The following IP6K1 variants were observed in gnomAD, a reference collection of about 807,000 sequenced individuals.
IP6K1 encodes ATP:1D-myo-inositol-hexakisphosphate phosphotransferase.
Under a neutral mutation model 38.3 loss-of-function variants are expected in IP6K1, and 13 were observed. That is an observed-to-expected ratio of 0.34 (90% CI 0.22 to 0.54). The LOEUF (loss-of-function observed/expected upper bound fraction) is 0.54. IP6K1 is among the 20% of genes least tolerant of loss of function. The pLI, the probability that IP6K1 is intolerant of heterozygous loss-of-function variation, is 0.92. For synonymous variants in IP6K1, 212 were observed against 229.9 expected (o/e 0.92, Z 0.70); for missense variants, 397 against 599.8 (o/e 0.66, Z 3.53).
intron 1 of IP6K1, among the ~76,000 whole-genome samples, chr3:49,750,610 G>T (rs989573646): frequency 2.0e-5 from 3 of 151,934 alleles, no homozygotes; most frequent in Non-Finnish European, 4.4e-5. Flanking sequence ...TGAGGCACAA[G>T]AATCACTTGA....
In IP6K1 at chr3:49,724,980, C is replaced by G. The variant is rs2080484673; in HGVS notation, c.*2142G>C. 6.5e-6 allele frequency: 1 copy of G among 152,862 alleles called. No homozygotes were observed. The highest frequency in any genetic ancestry group is 1.9e-4 in the East Asian group (1 of 5,204). The allele number at this position is 152,862 out of a possible 1,614,324, so 9.5% of individuals were successfully genotyped here. A position where few individuals can be genotyped will look rare whatever the true frequency, so the allele number is the denominator to read the frequency against. On this transcript the variant is annotated 3_prime_UTR_variant, in exon 6 of 6. Transcript: ENST00000321599. ...GGCTGGGCCTGGCAGGGACAGGGCT[C>G]TCTGGCATGGGGCAGGGAGAAAGCA...
At chr3:49,763,754 G>C (rs1035595739) in intron 1 of IP6K1, among the ~76,000 whole-genome samples, 1 of 152,098 alleles carries the variant, frequency 6.6e-6, no homozygotes, top group African/African-American at 2.4e-5. Flanking sequence ...GGTGGCTCAC[G>C]CCTGTAATCC....
intron 3 of IP6K1, among the ~76,000 whole-genome samples, chr3:49,736,897 G>A (rs922914404): frequency 2.0e-5 from 3 of 150,404 alleles, no homozygotes; most frequent in Non-Finnish European, 3.0e-5. Flanking sequence ...TTAGCCTCCC[G>A]AGTAGCTGGG....
intron 4 of IP6K1, among the ~76,000 whole-genome samples, chr3:49,731,701 C>A (rs2080562974): frequency 6.6e-6 from 1 of 152,000 alleles, no homozygotes; most frequent in Admixed American, 6.6e-5. Context: ...TATTTGTCTA[C>A]TACTTCAAAA....
chr3:49,743,598 G>A (rs1298868324), intron 2 of IP6K1, among the ~76,000 whole-genome samples: 1 of 150,246 alleles, frequency 6.7e-6, no homozygotes, highest in Non-Finnish European at 1.5e-5. Context: ...AGGATCACTT[G>A]AGCCATAGTT....
At chr3:49,732,743 G>A (rs368077376) in intron 4 of IP6K1, 48 bp downstream of exon 4, 15 of 1,498,836 alleles carry the variant, frequency 1.0e-5, no homozygotes, top group South Asian at 2.5e-5. Flanking sequence ...CCCAACACAC[G>A]ACCTATGGAC....
chr3:49,736,280 T>C (rs2080611378), intron 3 of IP6K1, among the ~76,000 whole-genome samples: 1 of 152,186 alleles, frequency 6.6e-6, no homozygotes, highest in South Asian at 2.1e-4. Context: ...TTCACAAGAT[T>C]GTAAAACATC....
chr3:49,730,131 G>C (rs777627704), intron 4 of IP6K1, among the ~76,000 whole-genome samples: 33 of 152,114 alleles, frequency 2.2e-4, no homozygotes, highest in Admixed American at 4.6e-4. Flanking sequence ...GACTCCAGGT[G>C]ATCTGCCCAC....
At chr3:49,779,085 T>C (rs1380426402) in intron 1 of IP6K1, among the ~76,000 whole-genome samples, 3 of 152,212 alleles carry the variant, frequency 2.0e-5, no homozygotes, top group African/African-American at 7.2e-5. Flanking sequence ...GTTTTAATCA[T>C]CTCAAAAAGA....
intron 1 of IP6K1, among the ~76,000 whole-genome samples, chr3:49,771,207 A>G (rs2080956463): frequency 6.7e-6 from 1 of 148,634 alleles, no homozygotes; most frequent in South Asian, 2.1e-4. Flanking sequence ...AAAAAAAAAA[A>G]AAAAACCCTG....
chr3:49,742,035 T>C (rs927242536), intron 2 of IP6K1, among the ~76,000 whole-genome samples: 6 of 152,062 alleles, frequency 3.9e-5, no homozygotes, highest in African/African-American at 1.4e-4. Context: ...GCCATGACTG[T>C]ACCACTGCAC....
intron 1 of IP6K1, among the ~76,000 whole-genome samples, chr3:49,758,314 CAAAAAA>C (rs11359274): frequency 1.8e-5 from 1 of 54,404 alleles, no homozygotes; most frequent in Non-Finnish European, 3.3e-5. Context: ...GACTCCATCT[CAAAAAA>C]AAAAAAAAAA....
At chr3:49,775,528 A>G in intron 1 of IP6K1, 1 of 1,028,252 alleles carries the variant, frequency 9.7e-7, no homozygotes, top group Non-Finnish European at 1.4e-6. Flanking sequence ...AAGGATAGAG[A>G]TGGCTGCCCA....
At chr3:49,771,188 CAAAAAAAAAA>C (rs35601566) in intron 1 of IP6K1, among the ~76,000 whole-genome samples, 2 of 72,508 alleles carry the variant, frequency 2.8e-5, no homozygotes, top group Non-Finnish European at 5.4e-5. Context: ...AACTCAGTAA[CAAAAAAAAAA>C]AAAAAAAAAA....
At chr3:49,733,988 G>T (rs1559702549) in intron 3 of IP6K1, among the ~76,000 whole-genome samples, 1 of 152,024 alleles carries the variant, frequency 6.6e-6, no homozygotes, top group Non-Finnish European at 1.5e-5. Flanking sequence ...AAATTAGCTG[G>T]GCATGGTGGC....
intron 1 of IP6K1, among the ~76,000 whole-genome samples, chr3:49,772,391 C>T (rs1342936698): frequency 2.7e-5 from 4 of 148,964 alleles, no homozygotes; most frequent in Non-Finnish European, 5.9e-5. Flanking sequence ...CATATATTGT[C>T]TTCTTATATT....
intron 1 of IP6K1, among the ~76,000 whole-genome samples, chr3:49,763,262 C>A (rs2080882442): frequency 7.5e-6 from 1 of 132,780 alleles, no homozygotes; most frequent in Non-Finnish European, 1.7e-5. Flanking sequence ...CGCCACACAC[C>A]CGGCTAATTT....
chr3:49,757,712 CCT>C (rs1345449499), intron 1 of IP6K1, among the ~76,000 whole-genome samples: 1 of 151,844 alleles, frequency 6.6e-6, no homozygotes, highest in Non-Finnish European at 1.5e-5. Context: ...AAAGTGAGTC[CCT>C]GTCTCAAAAA....
intron 1 of IP6K1, among the ~76,000 whole-genome samples, chr3:49,760,895 C>A (rs2080862370): frequency 6.6e-6 from 1 of 152,160 alleles, no homozygotes; most frequent in African/African-American, 2.4e-5. Flanking sequence ...TCCCTGTCAA[C>A]AGATTTGAGA....
Sources: allele counts gnomAD v4.1 joint callset (sites outside exome capture counted in the v4.1 genomes callset), GRCh38; gene constraint gnomAD v4.1.1; transcripts MANE v1.5; gene names NCBI Gene and HGNC (gene_info 2026-07-23, HGNC 2026-07-21).